CLCF1: variants seen among roughly 807,000 people sequenced by gnomAD.
The protein encoded by CLCF1 is cardiotrophin-like cytokine factor 1.
In CLCF1, 10 loss-of-function variants were observed where a neutral mutation model predicts 21.2. The ratio of observed to expected loss-of-function variants is 0.47; its 90% CI spans 0.29 to 0.80. The LOEUF is 0.80. Ranked by LOEUF, CLCF1 falls within the 30% of genes least tolerant of loss-of-function variation. The pLI is 0.09. For synonymous variants in CLCF1, 115 were observed against 120.5 expected, an observed-to-expected ratio of 0.95 and a Z score of 0.30; for missense variants, 240 against 293.4, an observed-to-expected ratio of 0.82 and a Z score of 1.33.
intron 2 of CLCF1, among the ~76,000 whole-genome samples, chr11:67,366,073 A>G (rs1448444835): frequency 6.6e-6 from 1 of 152,204 alleles, no homozygotes; most frequent in Non-Finnish European, 1.5e-5. Flanking sequence ...TGTGGCTGCA[A>G]AACAGACAGC....
In CLCF1 at chr11:67,365,096, G is replaced by T. The variant is rs1180958802; in HGVS notation, c.*40C>A. On this transcript the variant is annotated 3_prime_UTR_variant, in exon 3 of 3. Coordinates refer to ENST00000312438, the MANE Select transcript of CLCF1 (RefSeq NM_013246.3). The surrounding 1 kb of genome is among the most constrained non-coding windows in gnomAD (Gnocchi z 5.0). ...CAGGGCTGGCTCTCACAAAGTGGGA[G>T]CAGGGTTTGAAGGGGGAGCGAAGAG... 1.2e-6 allele frequency: 2 copies of T among 1,612,250 alleles called. No homozygotes were observed. The highest frequency in any genetic ancestry group is 2.2e-5 in the South Asian group (2 of 90,978).
At chr11:67,368,901 C>CT (rs1338462155) in intron 1 of CLCF1, 341 of 681,162 alleles carry the variant, frequency 5.0e-4, no homozygotes, top group Admixed American at 1.1e-3. Flanking sequence ...TCCTATAGTT[C>CT]TTTTTTTTTC....
chr11:67,367,925 T>C, intron 1 of CLCF1: 1 of 985,256 alleles, frequency 1.0e-6, no homozygotes, highest in Non-Finnish European at 1.2e-6. Flanking sequence ...ACTGTGTGTG[T>C]GCCAACATGT....
In CLCF1 at chr11:67,372,579, C is replaced by T. The variant is rs1862260788; in HGVS notation, c.16+945G>A. ...TGTGTGGCCTCGGCGCCCCCGGCCC[C>T]GCCCCCTCCCGCTCCCGCCCGGTCG... On this transcript the variant is annotated intron_variant, in intron 1 of 2. Transcript: ENST00000312438. This position sits in a 1 kb window ranked among gnomAD's most constrained non-coding sequence, Gnocchi z 5.9. Among the ~76,000 whole-genome samples the T allele has an allele frequency of 6.7e-6, 1 of 149,812 alleles. No individual in the cohort carries two copies.
At position 67,372,836 on chromosome 11, in the gene CLCF1, G is replaced by T. The variant is rs1427697600; in HGVS notation, c.16+688C>A. 4.7e-5 allele frequency among the ~76,000 whole-genome samples: 7 copies of T among 149,774 alleles called. No individual in the cohort carries two copies. Among genetic ancestry groups the T allele is most frequent in the Admixed American group, 4.6e-4 (7 of 15,134 alleles). ...CACTCCCAGGCCACGGTGGCCCGGG[G>T]GACTCGCGGCCGCCGCCCGCCGCCC... On this transcript the variant is annotated intron_variant, in intron 1 of 2. Coordinates refer to ENST00000312438, the MANE Select transcript of CLCF1 (RefSeq NM_013246.3). The surrounding 1 kb of genome is among the most constrained non-coding windows in gnomAD (Gnocchi z 5.9).
Position 67,365,335 on chromosome 11 carries a change from T to A in CLCF1, c.479A>T (p.Gln160Leu). The part of the protein sequence containing the change: ...VMAALGYPLP[Q>L]PLPGTEPTWT... ...AGTGGGTTCAGTCCCAGGCAGCGGC[T>A]GGGGCAGTGGGTAGCCCAGAGCTGC... The change falls in exon 3 of 3, where the codon CAG becomes CTG. Residue 160 changes from glutamine (Q) to leucine (L), a missense_variant. By Grantham distance (113) the Gln-to-Leu change is moderately radical (BLOSUM62 -2). Coordinates refer to ENST00000312438, the MANE Select transcript of CLCF1 (RefSeq NM_013246.3). The surrounding 1 kb of genome is among the most constrained non-coding windows in gnomAD (Gnocchi z 5.0). 1 of 1,613,320 alleles carries A rather than the reference T, an allele frequency of 6.2e-7. No individual in the cohort carries two copies. The highest frequency in any genetic ancestry group is 1.7e-5 in the Admixed American group (1 of 60,012).
At chr11:67,371,081 T>C (rs375384116) in intron 1 of CLCF1, 1 of 985,182 alleles carries the variant, frequency 1.0e-6, no homozygotes, top group South Asian at 4.7e-5. Flanking sequence ...GGGCTAGGGA[T>C]GGAGTGGGTG....
intron 1 of CLCF1, chr11:67,367,949 T>C (rs542113029): frequency 2.0e-6 from 2 of 984,852 alleles, no homozygotes; most frequent in African/African-American, 1.8e-5. Flanking sequence ...TGTGTGTACA[T>C]GGAGGGACGG....
chr11:67,366,015 T>C (rs1426874884), intron 2 of CLCF1, among the ~76,000 whole-genome samples: 1 of 151,252 alleles, frequency 6.6e-6, no homozygotes, highest in Non-Finnish European at 1.5e-5. Context: ...CCCAGGAGAG[T>C]GCAGAGACCA....
Position 67,372,780 on chromosome 11 carries a change from C to T in CLCF1, c.16+744G>A, listed in dbSNP as rs1400255610. Among the ~76,000 whole-genome samples, 1 of 150,450 alleles carries T rather than the reference C, an allele frequency of 6.6e-6. No homozygotes were observed. The highest frequency in any genetic ancestry group is 2.1e-4 in the South Asian group (1 of 4,816). The stretch of plus-strand genomic sequence containing the variant: ...AGACTTTTTCCTGCCGGGTCCGGCC[C>T]GGCTGCGCCAGCCCCCCGCCAAACA... On this transcript the variant is annotated intron_variant, in intron 1 of 2. Transcript: ENST00000312438. This position sits in a 1 kb window ranked among gnomAD's most constrained non-coding sequence, Gnocchi z 5.9.
At chr11:67,367,880 G>T in intron 1 of CLCF1, 4 of 985,460 alleles carry the variant, frequency 4.1e-6, no homozygotes, top group Non-Finnish European at 4.8e-6. Context: ...GAATGGATCT[G>T]TGTGTCAGCT....
intron 1 of CLCF1, 65 bp downstream of exon 1, chr11:67,373,459 C>T: frequency 2.2e-6 from 2 of 929,148 alleles, no homozygotes; most frequent in Non-Finnish European, 1.6e-6. Flanking sequence ...CAGGGCAGGA[C>T]GGGAACCGGA....
chr11:67,365,616 G>C lies in CLCF1; in HGVS notation c.198C>G (p.Gly66=), dbSNP rs767245313. 22 of 1,610,500 alleles carry C rather than the reference G, an allele frequency of 1.4e-5. 1 individual carries two copies. In the African/African-American group the frequency reaches 2.4e-4, roughly 18 times the overall value. Residue 66 remains glycine (G), a synonymous_variant, in exon 3 of 3, where the codon GGC becomes GGG. Transcript: ENST00000312438. The surrounding 1 kb of genome is among the most constrained non-coding windows in gnomAD (Gnocchi z 5.0). ...SLAGTYLNYL[G]PPFNEPDFNP... ...TGAAGTCTGGCTCGTTGAAAGGGGG[G>C]CCCAGGTAGTTCAGCTGTGAAAAGG...
chr11:67,367,623 T>C lies in CLCF1; in HGVS notation c.20A>G (p.Asp7Gly), dbSNP rs566471248. 1.2e-6 allele frequency: 2 copies of C among 1,612,350 alleles called. 1 individual carries two copies. The highest frequency in any genetic ancestry group is 2.7e-5 in the African/African-American group (2 of 74,842). Residue 7 changes from aspartate (D) to glycine (G), a missense_variant, in exon 2 of 3, where the codon GAC (aspartate) becomes GGC (glycine). Physicochemically the swap from Asp to Gly is moderately conservative, Grantham distance 94 (BLOSUM62 -1). Transcript: ENST00000312438. ...CAGGCACGCTAACATCCCCCACGAG[T>C]CCCCTGTGGGCAGGATGGACGAGAA... Reference protein sequence around the residue: MDLRAGDSWGMLACLCT... With the variant: MDLRAGGSWGMLACLCT...
rs373018736 is a variant in CLCF1, at chr11:67,365,366, C to T, written c.448G>A (p.Val150Ile). The change falls in exon 3 of 3, where the codon GTC (valine) becomes ATC (isoleucine). Residue 150 changes from valine (V) to isoleucine (I), a missense_variant. By Grantham distance (29) the Val-to-Ile change is conservative (BLOSUM62 3). Transcript: ENST00000312438. The surrounding 1 kb of genome is among the most constrained non-coding windows in gnomAD (Gnocchi z 5.0). ...LQGLLGSIAG[V>I]MAALGYPLPQ... Reference sequence around the variant, plus strand: ...AGTGGGTAGCCCAGAGCTGCCATGACGCCCGCAATGCTGCCCAGCAGGCCC... The same window carrying T: ...AGTGGGTAGCCCAGAGCTGCCATGATGCCCGCAATGCTGCCCAGCAGGCCC... 24 of 1,612,922 alleles carry T rather than the reference C, an allele frequency of 1.5e-5. No individual in the cohort carries two copies. The highest frequency in any genetic ancestry group is 4.4e-5 in the South Asian group (4 of 91,020).
intron 1 of CLCF1, chr11:67,369,941 T>G (rs1862193464): frequency 7.1e-6 from 7 of 984,754 alleles, no homozygotes; most frequent in Non-Finnish European, 8.4e-6. Context: ...AAACGGCTCA[T>G]GAAATTAACC....
rs756801506 is a variant in CLCF1 at position 67,365,010 on chromosome 11, G to A, written c.*126C>T. ...GGCTGATCGCATCACACGCCCAGCCGGTCCAGGAAAGGGCCAGAGGCTCAC... is the reference window on the plus strand; with the variant it reads ...GGCTGATCGCATCACACGCCCAGCCAGTCCAGGAAAGGGCCAGAGGCTCAC... On this transcript the variant is annotated 3_prime_UTR_variant, in exon 3 of 3. Coordinates refer to ENST00000312438, the MANE Select transcript of CLCF1 (RefSeq NM_013246.3). The surrounding 1 kb of genome is among the most constrained non-coding windows in gnomAD (Gnocchi z 5.0). 2.3e-5 allele frequency: 35 copies of A among 1,514,278 alleles called. 1 individual carries two copies. Among genetic ancestry groups the A allele is most frequent in the East Asian group, 9.2e-5 (4 of 43,608 alleles). The allele number at this position is 1,514,278 out of a possible 1,614,324, so 93.8% of individuals were successfully genotyped here. A position where few individuals can be genotyped will look rare whatever the true frequency, so the allele number is the denominator to read the frequency against.
Position 67,364,999 on chromosome 11 carries a change from C to CTGG in CLCF1, c.*136_*137insCCA. On this transcript the variant is annotated 3_prime_UTR_variant, in exon 3 of 3. Coordinates refer to ENST00000312438, the MANE Select transcript of CLCF1 (RefSeq NM_013246.3). Reference sequence around the variant, plus strand: ...GGAGGAGACAGGGCTGATCGCATCACACGCCCAGCCGGTCCAGGAAAGGGC... The same window carrying CTGG: ...GGAGGAGACAGGGCTGATCGCATCACTGGACGCCCAGCCGGTCCAGGAAAGGGC... 1 of 1,446,456 alleles carries CTGG rather than the reference C, an allele frequency of 6.9e-7. No individual in the cohort carries two copies. Among genetic ancestry groups the CTGG allele is most frequent in the Non-Finnish European group, 9.4e-7 (1 of 1,067,922 alleles). 89.6% of individuals were successfully genotyped at this position (1,446,456 alleles called of 1,614,324 possible).
In CLCF1 at chr11:67,365,493, G is replaced by A. The variant is rs104894198; in HGVS notation, c.321C>T (p.Tyr107=). 3.1e-6 allele frequency: 5 copies of A among 1,614,132 alleles called. No homozygotes were observed. The highest frequency in any genetic ancestry group is 1.7e-5 in the Admixed American group (1 of 60,028). The change falls in exon 3 of 3, where the codon TAC becomes TAT. Residue 107 remains tyrosine (Y), a synonymous_variant. Coordinates refer to ENST00000312438, the MANE Select transcript of CLCF1 (RefSeq NM_013246.3). The surrounding 1 kb of genome is among the most constrained non-coding windows in gnomAD (Gnocchi z 5.0). ...LNDKLRLTQN[Y]EAYSHLLCYL... ...AACACAGAAGGTGGCTGTAGGCCTCGTAGTTCTGGGTCAGCCGCAGTTTGT... is the reference window on the plus strand; with the variant it reads ...AACACAGAAGGTGGCTGTAGGCCTCATAGTTCTGGGTCAGCCGCAGTTTGT...
Sources: gnomAD v4.1 joint callset for allele counts (sites outside exome capture counted in the v4.1 genomes callset) on GRCh38, gnomAD v4.1.1 for gene constraint, Gnocchi (gnomAD v3.1) non-coding constraint, MANE v1.5 for transcripts, NCBI Gene and HGNC (gene_info 2026-07-23, HGNC 2026-07-21) for gene names.